Variants in MYO1D observed in about 807,000 individuals in gnomAD.
MYO1D encodes the protein myosin ID.
MYO1D carries 83 observed loss-of-function variants against 122.0 expected under a neutral mutation model. That is an observed-to-expected ratio of 0.68 (90% confidence interval 0.57 to 0.82). MYO1D has a LOEUF of 0.82. MYO1D is among the 40% of genes least tolerant of loss of function. The pLI is 0.00. For synonymous variants in MYO1D, 464 were observed against 446.9 expected (o/e 1.04, Z -0.48); for missense variants, 1,157 against 1,269.5 (o/e 0.91, Z 1.35).
chr17:32,841,199 G>A (rs1254451601), intron 1 of MYO1D, among the ~76,000 whole-genome samples: 1 of 152,148 alleles, frequency 6.6e-6, no homozygotes, highest in African/African-American at 2.4e-5. Context: ...AGGCACAGTG[G>A]TTCACACCTA....
rs1032269878 is a variant in MYO1D at position 32,749,148 on chromosome 17, T to G, written c.1468-142A>C. The G allele has an allele frequency of 2.3e-5, 17 of 748,944 alleles. No homozygotes were observed. The African/African-American group carries it at 2.8e-4, about 12-fold the overall frequency. 46.4% of individuals were successfully genotyped at this position (748,944 alleles called of 1,614,324 possible). A position where few individuals can be genotyped will look rare whatever the true frequency, so the allele number is the denominator to read the frequency against. On this transcript the variant is annotated intron_variant, in intron 11 of 21. Coordinates refer to ENST00000318217, the MANE Select transcript of MYO1D (RefSeq NM_015194.3). ...GGGCTTGATTTAAAAATATGGCTTATGTATTATAAAGACTAAACTTTCACT... is the reference window on the plus strand; with the variant it reads ...GGGCTTGATTTAAAAATATGGCTTAGGTATTATAAAGACTAAACTTTCACT...
intron 20 of MYO1D, among the ~76,000 whole-genome samples, chr17:32,627,264 G>T (rs73981743): frequency 2.0e-4 from 30 of 152,312 alleles, no homozygotes; most frequent in African/African-American, 6.7e-4. Flanking sequence ...ATTGAGGGAG[G>T]GCCGAGGGAG....
At chr17:32,776,067 A>G in intron 3 of MYO1D, 38 bp from the exon 4 acceptor site, 1 of 1,573,770 alleles carries the variant, frequency 6.4e-7, no homozygotes, top group Non-Finnish European at 8.6e-7. Context: ...ATAAAAACTT[A>G]TAGAGACTAG....
rs533250950 is a variant in MYO1D at position 32,706,216 on chromosome 17, C to T, written c.2121+5772G>A. ...TCTGCCTCCAGGTTCAAGCAATTCT[C>T]GTTCTTCAGCCTCCTGAGTAGCTGG... On this transcript the variant is annotated intron_variant, in intron 16 of 21. Coordinates refer to ENST00000318217, the MANE Select transcript of MYO1D (RefSeq NM_015194.3). 4.6e-5 allele frequency among the ~76,000 whole-genome samples: 7 copies of T among 152,228 alleles called. No homozygotes were observed. In the South Asian group the frequency reaches 8.3e-4, roughly 18 times the overall value.
At chr17:32,711,926 G>T in intron 16 of MYO1D, 62 bp downstream of exon 16, 2 of 1,319,248 alleles carry the variant, frequency 1.5e-6, no homozygotes, top group East Asian at 2.5e-5. Flanking sequence ...AAGAAAATAT[G>T]CAACAAATTT....
At chr17:32,822,759 G>C (rs75011702) in intron 1 of MYO1D, among the ~76,000 whole-genome samples, 1 of 151,422 alleles carries the variant, frequency 6.6e-6, no homozygotes, top group Non-Finnish European at 1.5e-5. Context: ...AGGCGGCGAG[G>C]CCCGGGGCGT....
At chr17:32,549,822 C>T (rs185642373) in intron 21 of MYO1D, among the ~76,000 whole-genome samples, 8 of 152,230 alleles carry the variant, frequency 5.3e-5, no homozygotes, top group Admixed American at 1.3e-4. Context: ...GGAAGTATTG[C>T]GAAATAGGAG....
rs777764273 is a variant in MYO1D, at chr17:32,804,390, A to AC, written c.96-23607dup. Among the ~76,000 whole-genome samples the AC allele has an allele frequency of 3.3e-4, 51 of 152,322 alleles. 1 individual carries two copies. Among genetic ancestry groups the AC allele is most frequent in the African/African-American group, 9.6e-4 (40 of 41,572 alleles). ...ACACTAACTAGTATGACTAGGGTTT[A>AC]CTTTGGAGTTTACAGGAATATACTA... On this transcript the variant is annotated intron_variant, in intron 1 of 21. Coordinates refer to ENST00000318217, the MANE Select transcript of MYO1D (RefSeq NM_015194.3).
chr17:32,544,868 C>T (rs1047392521), intron 21 of MYO1D, among the ~76,000 whole-genome samples: 1 of 152,102 alleles, frequency 6.6e-6, no homozygotes, highest in Non-Finnish European at 1.5e-5. Flanking sequence ...ATATATATGG[C>T]CAAATTAGTC....
At chr17:32,855,101 T>C (rs1301422331) in intron 1 of MYO1D, among the ~76,000 whole-genome samples, 1 of 152,230 alleles carries the variant, frequency 6.6e-6, no homozygotes, top group African/African-American at 2.4e-5. Context: ...ATGCCATATG[T>C]AAGGTCAAAG....
intron 1 of MYO1D, among the ~76,000 whole-genome samples, chr17:32,812,584 T>A (rs925973402): frequency 6.6e-6 from 1 of 152,108 alleles, no homozygotes; most frequent in Non-Finnish European, 1.5e-5. Flanking sequence ...ATGAGAGTAA[T>A]AAGCCTTCCA....
At chr17:32,593,836 C>T (rs535241225) in intron 21 of MYO1D, among the ~76,000 whole-genome samples, 58 of 152,292 alleles carry the variant, frequency 3.8e-4, no homozygotes, top group African/African-American at 1.3e-3. Context: ...ACCTGGGAGG[C>T]TGAGGCAGGA....
intron 1 of MYO1D, among the ~76,000 whole-genome samples, chr17:32,822,556 C>G (rs1449524727): frequency 8.2e-6 from 1 of 122,432 alleles, no homozygotes; most frequent in Non-Finnish European, 1.9e-5. Context: ...CGGCTCGGGA[C>G]GGGGCCCGGG....
intron 1 of MYO1D, among the ~76,000 whole-genome samples, chr17:32,821,450 G>C (rs1291060060): frequency 6.6e-6 from 1 of 151,930 alleles, no homozygotes; most frequent in Non-Finnish European, 1.5e-5. Flanking sequence ...TACAAATAAG[G>C]ATGAAGTAAT....
intron 15 of MYO1D, among the ~76,000 whole-genome samples, chr17:32,714,823 A>T (rs1490267534): frequency 6.6e-6 from 1 of 152,190 alleles, no homozygotes; most frequent in East Asian, 1.9e-4. Context: ...TGACAAATTA[A>T]ACTAAAGAGC....
At chr17:32,652,745 A>T (rs2088409519) in intron 19 of MYO1D, among the ~76,000 whole-genome samples, 1 of 152,194 alleles carries the variant, frequency 6.6e-6, no homozygotes, top group Non-Finnish European at 1.5e-5. Context: ...AAGCAAATAC[A>T]TTCATAGCAG....
chr17:32,748,511 C>A (rs1396812613), intron 12 of MYO1D, among the ~76,000 whole-genome samples: 1 of 152,152 alleles, frequency 6.6e-6, no homozygotes, highest in African/African-American at 2.4e-5. Context: ...CCTATAATGC[C>A]TGTGCTTCTC....
At chr17:32,875,752 C>T (rs1264560750) in intron 1 of MYO1D, among the ~76,000 whole-genome samples, 1 of 152,012 alleles carries the variant, frequency 6.6e-6, no homozygotes, top group East Asian at 1.9e-4. Flanking sequence ...GGTTAAGCAC[C>T]CAAGCCTAGA....
chr17:32,588,827 C>G (rs2087413420), intron 21 of MYO1D, among the ~76,000 whole-genome samples: 1 of 152,058 alleles, frequency 6.6e-6, no homozygotes, highest in African/African-American at 2.4e-5. Context: ...CCTGCAGTCC[C>G]AGCTACTTGG....
Sources: allele counts gnomAD v4.1 joint callset (sites outside exome capture counted in the v4.1 genomes callset), GRCh38; gene constraint gnomAD v4.1.1; transcripts MANE v1.5; gene names NCBI Gene and HGNC (gene_info 2026-07-23, HGNC 2026-07-21).